Variants in UNC80 observed in about 807,000 individuals in gnomAD.
UNC80 encodes protein unc-80 homolog.
UNC80 carries 164 observed loss-of-function variants against 384.6 expected under a neutral mutation model. That is an observed-to-expected ratio of 0.43 (90% CI 0.38 to 0.49). The LOEUF (loss-of-function observed/expected upper bound fraction) is 0.49, where lower values mean the gene tolerates loss of function less well. UNC80 is among the 20% of genes least tolerant of loss of function. UNC80 has a pLI of 0.00. For missense variants in UNC80, 3,330 were observed against 4,143.0 expected, an observed-to-expected ratio of 0.80 and a Z score of 5.39; for synonymous variants, 1,486 against 1,527.8, an observed-to-expected ratio of 0.97 and a Z score of 0.64.
chr2:209,880,403 T>C (rs547788394), intron 24 of UNC80, among the ~76,000 whole-genome samples: 2 of 152,372 alleles, frequency 1.3e-5, no homozygotes, highest in East Asian at 3.9e-4. Context: ...CCAGTAAGTA[T>C]GTCTTGTCTG....
chr2:209,981,908 T>G (rs2093166238), intron 59 of UNC80, among the ~76,000 whole-genome samples: 1 of 152,262 alleles, frequency 6.6e-6, no homozygotes, highest in African/African-American at 2.4e-5. Context: ...GCCTGTTCAC[T>G]TTCACAAATA....
intron 7 of UNC80, among the ~76,000 whole-genome samples, chr2:209,801,108 T>C (rs535446706): frequency 2.0e-5 from 3 of 152,262 alleles, no homozygotes; most frequent in Non-Finnish European, 2.9e-5. Context: ...TGAATATCCT[T>C]GTTAATTTTC....
rs570441487 is a variant in UNC80 at position 209,837,117 on chromosome 2, A to G, written c.3042-2105A>G. Among the ~76,000 whole-genome samples the G allele has an allele frequency of 8.5e-5, 13 of 152,314 alleles. No homozygotes were observed. The South Asian group carries it at 2.5e-3, about 29-fold the overall frequency. ...ACAGAATACCCTATTTTTTAAAAAA[A>G]GAACTTAAAAATATTCAGTACTCTG... On this transcript the variant is annotated intron_variant, in intron 18 of 64. Transcript: ENST00000673920.
At chr2:209,881,166 TCA>T in intron 25 of UNC80, 72 bp downstream of exon 25, 1 of 1,478,760 alleles carries the variant, frequency 6.8e-7, no homozygotes, top group Non-Finnish European at 9.0e-7. Context: ...TTTCCAAGAT[TCA>T]CAGTTTTCTT....
chr2:209,824,272 C>T (rs1328086722), intron 13 of UNC80, among the ~76,000 whole-genome samples: 3 of 152,004 alleles, frequency 2.0e-5, no homozygotes, highest in Non-Finnish European at 4.4e-5. Context: ...AGTAGGGGTC[C>T]CTGGAAACAG....
intron 10 of UNC80, among the ~76,000 whole-genome samples, chr2:209,817,605 G>C (rs1413808638): frequency 6.6e-6 from 1 of 152,044 alleles, no homozygotes; most frequent in African/African-American, 2.4e-5. Flanking sequence ...GGCTAAGATT[G>C]GGGCTGACCT....
chr2:209,918,018 AC>A, intron 32 of UNC80, 60 bp downstream of exon 32: 4 of 1,484,596 alleles, frequency 2.7e-6, no homozygotes, highest in Non-Finnish European at 3.7e-6. Context: ...GTTTGTTTAA[AC>A]CGTTGAACCT....
intron 24 of UNC80, among the ~76,000 whole-genome samples, chr2:209,878,334 C>G (rs1235166286): frequency 6.6e-6 from 1 of 152,116 alleles, no homozygotes; most frequent in East Asian, 1.9e-4. Context: ...AACATTTATT[C>G]TTTTCTTGTC....
At chr2:209,775,033 G>T (rs773823436) in intron 2 of UNC80, among the ~76,000 whole-genome samples, 5 of 152,076 alleles carry the variant, frequency 3.3e-5, no homozygotes, top group African/African-American at 4.8e-5. Flanking sequence ...ATTGACTGGG[G>T]CATCAAGTAC....
rs141804658 is a variant in UNC80 at position 209,973,280 on chromosome 2, T to TTC, written c.8587+26_8587+27dup. On this transcript the variant is annotated intron_variant, in intron 56 of 64. Coordinates refer to ENST00000673920, the MANE Select transcript of UNC80 (RefSeq NM_001371986.1). ...CAAGCAGCATACTTGGGTTGGTACT[T>TTC]TCTCTCTCTCTCTCTCTGTTTGTGC... The TTC allele has an allele frequency of 1.4e-4, 206 of 1,516,476 alleles. No homozygotes were observed. Among genetic ancestry groups the TTC allele is most frequent in the Admixed American group, 2.0e-4 (10 of 49,436 alleles). The allele number at this position is 1,516,476 out of a possible 1,614,324, so 93.9% of individuals were successfully genotyped here.
chr2:209,892,425 C>A (rs1434052201), intron 26 of UNC80, among the ~76,000 whole-genome samples: 1 of 152,084 alleles, frequency 6.6e-6, no homozygotes, highest in Non-Finnish European at 1.5e-5. Context: ...TGTACAATAC[C>A]AAATATAAAT....
intron 7 of UNC80, chr2:209,794,884 G>T (rs929865037): frequency 2.3e-6 from 1 of 428,788 alleles, no homozygotes; most frequent in Non-Finnish European, 4.7e-6. Context: ...TTCCCAGTTT[G>T]GGGTATTTAT....
In UNC80 at chr2:209,978,773, G is replaced by A. The variant is rs924821679; in HGVS notation, c.9118+65G>A. ...GGCCATACGAGCAGGGGCTTGGGAAGGATTACTGCCCTTCTGACCTTTTCC... is the reference window on the plus strand; with the variant it reads ...GGCCATACGAGCAGGGGCTTGGGAAAGATTACTGCCCTTCTGACCTTTTCC... On this transcript the variant is annotated intron_variant, in intron 59 of 64. Transcript: ENST00000673920. 7.3e-6 allele frequency: 10 copies of A among 1,377,132 alleles called. 1 individual carries two copies. Among genetic ancestry groups the A allele is most frequent in the Middle Eastern group, 3.8e-4 (2 of 5,226 alleles). 85.3% of individuals were successfully genotyped at this position (1,377,132 alleles called of 1,614,324 possible).
chr2:209,895,109 A>G (rs577416726), intron 27 of UNC80, among the ~76,000 whole-genome samples: 79 of 152,326 alleles, frequency 5.2e-4, no homozygotes, highest in African/African-American at 1.8e-3. Flanking sequence ...TGTAGGCTCT[A>G]AAGAGATTTC....
chr2:209,773,205 A>T, intron 2 of UNC80, 63 bp downstream of exon 2: 1 of 1,419,486 alleles, frequency 7.0e-7, no homozygotes, highest in East Asian at 2.3e-5. Context: ...GAACCCAAAG[A>T]CAGATTTTAA....
chr2:209,872,817 C>A lies in UNC80; in HGVS notation c.3687C>A (p.Arg1229=), dbSNP rs913889073. ...LFLECARFVH[R]CNRGNWPEWM... is the part of the protein sequence containing the mutation. ...TGGAATGTGCTCGTTTTGTTCACCG[C>A]TGCAACCGTGGCAACTGGCCAGAGT... The change falls in exon 23 of 65, where the codon CGC becomes CGA. Residue 1229 remains arginine (R), a synonymous_variant. Coordinates refer to ENST00000673920, the MANE Select transcript of UNC80 (RefSeq NM_001371986.1). The surrounding 1 kb of genome is among the most constrained non-coding windows in gnomAD (Gnocchi z 4.1). 11 of 1,551,362 alleles carry A rather than the reference C, an allele frequency of 7.1e-6. No homozygotes were observed. The highest frequency in any genetic ancestry group is 3.9e-5 in the Admixed American group (2 of 50,966).
intron 61 of UNC80, among the ~76,000 whole-genome samples, chr2:209,991,350 A>C (rs1445492847): frequency 6.6e-6 from 1 of 152,180 alleles, no homozygotes; most frequent in East Asian, 1.9e-4. Context: ...CCTTTTATAC[A>C]TGCATGCAGA....
At chr2:209,971,099 G>T in intron 54 of UNC80, 142 bp downstream of exon 54, 1 of 1,199,950 alleles carries the variant, frequency 8.3e-7, no homozygotes, top group East Asian at 2.6e-5. Context: ...TATAGATTTG[G>T]AGCTTCAGCC....
chr2:209,852,188 T>G (rs967866207), intron 22 of UNC80, among the ~76,000 whole-genome samples: 11 of 151,966 alleles, frequency 7.2e-5, no homozygotes, highest in African/African-American at 2.7e-4. Context: ...TCAAGCAGTG[T>G]GTGGGTAGTA....
Sources: gnomAD v4.1 joint callset for allele counts (sites outside exome capture counted in the v4.1 genomes callset) on GRCh38, gnomAD v4.1.1 for gene constraint, Gnocchi (gnomAD v3.1) non-coding constraint, MANE v1.5 for transcripts, NCBI Gene and HGNC (gene_info 2026-07-23, HGNC 2026-07-21) for gene names.